The following PLD1 variants were observed in gnomAD, a reference collection of about 807,000 sequenced individuals.
The protein encoded by PLD1 is phospholipase D1.
A neutral mutation model predicts 137.1 loss-of-function variants in PLD1; 112 were observed. The ratio of observed to expected loss-of-function variants is 0.82; its 90% CI spans 0.70 to 0.96. The LOEUF is 0.96. PLD1 is among the 40% of genes least tolerant of loss of function. The pLI is 0.00. For synonymous variants in PLD1, 431 were observed against 454.7 expected, an observed-to-expected ratio of 0.95 and a Z score of 0.66; for missense variants, 1,321 against 1,342.0, an observed-to-expected ratio of 0.98 and a Z score of 0.24.
chr3:171,607,583 TAA>T (rs1221113683), intron 25 of PLD1, among the ~76,000 whole-genome samples: 1 of 152,182 alleles, frequency 6.6e-6, no homozygotes, highest in Non-Finnish European at 1.5e-5. Flanking sequence ...TTTTGAGGAC[TAA>T]AGTTTGAGAG....
rs968911884 is a variant in PLD1 at position 171,650,263 on chromosome 3, C to G, written c.2430-5240G>C. On this transcript the variant is annotated intron_variant, in intron 21 of 26. Coordinates refer to ENST00000351298, the MANE Select transcript of PLD1 (RefSeq NM_002662.5). ...GGGGAAAAACAGGATAGACCCCACT[C>G]TCTTTTCAATGTGAGGATATGAGAG... is the stretch of plus-strand genomic sequence containing the variant. Among the ~76,000 whole-genome samples, 14 of 152,172 alleles carry G rather than the reference C, an allele frequency of 9.2e-5. No individual in the cohort carries two copies. The East Asian group carries it at 2.7e-3, about 29-fold the overall frequency.
intron 1 of PLD1, among the ~76,000 whole-genome samples, chr3:171,751,970 T>C (rs1422577971): frequency 6.9e-6 from 1 of 145,980 alleles, no homozygotes; most frequent in Non-Finnish European, 1.5e-5. Context: ...GCCACTGTAC[T>C]CCAGCCTGGG....
Position 171,661,311 on chromosome 3 carries a change from C to T in PLD1, c.2340+749G>A, listed in dbSNP as rs78787333. ...TTCCTCAGTTAACCCATTCCCCTAT[C>T]TACCTTTAAAAAATTCAATGGGAAA... On this transcript the variant is annotated intron_variant, in intron 20 of 26. Transcript: ENST00000351298. Among the ~76,000 whole-genome samples, 321 of 152,224 alleles carry T rather than the reference C, an allele frequency of 2.1e-3. 1 individual carries two copies. Among genetic ancestry groups the T allele is most frequent in the African/African-American group, 7.5e-3 (310 of 41,502 alleles).
chr3:171,737,952 G>A lies in PLD1; in HGVS notation c.100C>T (p.His34Tyr), dbSNP rs1302335438. ...TAGTCTACCTCCTCTCCCTCAAAGT[G>A]GAGTTCCCGCGTGTCCAGATTTTCT... ...IIENLDTREL[H>Y]FEGEEVDYDV... The change falls in exon 2 of 27, where the codon CAC becomes TAC. Residue 34 changes from histidine to tyrosine, a missense_variant. Coordinates refer to ENST00000351298, the MANE Select transcript of PLD1 (RefSeq NM_002662.5). 1.9e-6 allele frequency: 3 copies of A among 1,614,002 alleles called. No individual in the cohort carries two copies. Among genetic ancestry groups the A allele is most frequent in the Non-Finnish European group, 2.5e-6 (3 of 1,179,932 alleles).
chr3:171,745,783 C>T (rs1720110277), intron 1 of PLD1, among the ~76,000 whole-genome samples: 1 of 152,204 alleles, frequency 6.6e-6, no homozygotes, highest in East Asian at 1.9e-4. Flanking sequence ...GGCGTCCACG[C>T]TGGCTGCGCT....
At chr3:171,698,065 C>A (rs1343011827) in intron 12 of PLD1, among the ~76,000 whole-genome samples, 1 of 152,168 alleles carries the variant, frequency 6.6e-6, no homozygotes, top group Non-Finnish European at 1.5e-5. Context: ...AAAATAGAAT[C>A]TTGAGGGAAA....
At chr3:171,659,802 GT>G (rs1374476599) in intron 20 of PLD1, among the ~76,000 whole-genome samples, 1 of 152,030 alleles carries the variant, frequency 6.6e-6, no homozygotes, top group African/African-American at 2.4e-5. Context: ...ACCTTGTCTT[GT>G]TTGTCTGGGT....
chr3:171,639,848 CTATA>C (rs148607591), intron 23 of PLD1, among the ~76,000 whole-genome samples: 6 of 110,212 alleles, frequency 5.4e-5, no homozygotes, highest in Non-Finnish European at 6.9e-5. Context: ...CTCTCTCTCT[CTATA>C]TATATATATA....
At chr3:171,650,879 G>A (rs1376823010) in intron 21 of PLD1, among the ~76,000 whole-genome samples, 1 of 151,842 alleles carries the variant, frequency 6.6e-6, no homozygotes, top group African/African-American at 2.4e-5. Context: ...AGCAGCCCGG[G>A]CGACAGAGCG....
rs1027148359 is a variant in PLD1, at chr3:171,676,815, G to A, written c.2015C>T (p.Ser672Phe). ...GTCATGCCAGGGCATCCGGGGCGTG[G>A]AGTACCTGTCAATGAAATCTGCCCG... ...KPFADFIDRY[S>F]TPRMPWHDIA... is the part of the protein sequence containing the mutation. The change falls in exon 18 of 27, where the codon TCC becomes TTC. Residue 672 changes from serine (S) to phenylalanine (F), a missense_variant. Transcript: ENST00000351298. The A allele has an allele frequency of 6.2e-7, 1 of 1,613,794 alleles. No individual in the cohort carries two copies. Among genetic ancestry groups the A allele is most frequent in the South Asian group, 1.1e-5 (1 of 91,062 alleles).
At chr3:171,808,023 TG>T (rs1723924854) in intron 1 of PLD1, among the ~76,000 whole-genome samples, 1 of 152,012 alleles carries the variant, frequency 6.6e-6, no homozygotes, top group East Asian at 1.9e-4. Context: ...AGGTAAACAT[TG>T]GGTACTTATG....
intron 20 of PLD1, among the ~76,000 whole-genome samples, chr3:171,659,643 T>G (rs1010157444): frequency 6.6e-6 from 1 of 152,242 alleles, no homozygotes; most frequent in South Asian, 2.1e-4. Flanking sequence ...TTTTTTCAGA[T>G]TCACATGTTG....
intron 23 of PLD1, among the ~76,000 whole-genome samples, chr3:171,633,654 T>A (rs1459071157): frequency 6.6e-6 from 1 of 151,992 alleles, no homozygotes; most frequent in African/African-American, 2.4e-5. Flanking sequence ...GAAGAGAAAT[T>A]CAATACAATA....
intron 23 of PLD1, among the ~76,000 whole-genome samples, chr3:171,641,032 G>A (rs1177686782): frequency 6.6e-6 from 1 of 152,182 alleles, no homozygotes; most frequent in Non-Finnish European, 1.5e-5. Flanking sequence ...GGAGTTTAAA[G>A]GGAAGTGCCA....
At chr3:171,682,438 A>G (rs1031136086) in intron 16 of PLD1, among the ~76,000 whole-genome samples, 1 of 152,206 alleles carries the variant, frequency 6.6e-6, no homozygotes, top group South Asian at 2.1e-4. Flanking sequence ...CAACATGGTC[A>G]TATGCGGTCA....
chr3:171,787,860 C>A (rs4894511), intron 1 of PLD1, among the ~76,000 whole-genome samples: 1 of 151,136 alleles, frequency 6.6e-6, no homozygotes, highest in Non-Finnish European at 1.5e-5. Flanking sequence ...AAAAAAAAAA[C>A]TAGAAAAATA....
chr3:171,611,004 C>T (rs1229330822), intron 25 of PLD1, among the ~76,000 whole-genome samples: 5 of 152,128 alleles, frequency 3.3e-5, no homozygotes, highest in Admixed American at 6.5e-5. Flanking sequence ...CTGCCTTTGC[C>T]GGGAGTTAAG....
At chr3:171,606,409 A>C (rs1017552880) in intron 25 of PLD1, among the ~76,000 whole-genome samples, 1 of 152,216 alleles carries the variant, frequency 6.6e-6, no homozygotes, top group African/African-American at 2.4e-5. Context: ...AGGCTTGTTT[A>C]GAGATATAAA....
chr3:171,771,787 C>A (rs184617580), intron 1 of PLD1, among the ~76,000 whole-genome samples: 60 of 152,302 alleles, frequency 3.9e-4, no homozygotes, highest in African/African-American at 1.2e-3. Context: ...GATAGTATTA[C>A]TATTTTCAGA....
Sources: gnomAD v4.1 joint callset for allele counts (sites outside exome capture counted in the v4.1 genomes callset) on GRCh38, gnomAD v4.1.1 for gene constraint, MANE v1.5 for transcripts, NCBI Gene and HGNC (gene_info 2026-07-23, HGNC 2026-07-21) for gene names.